Variants in RESF1 observed in about 807,000 individuals in gnomAD.
The protein encoded by RESF1 is retroelement silencing factor 1, also known as gonad expressed transcript.
In RESF1, 65 loss-of-function variants were observed where a neutral mutation model predicts 134.7. That is an observed-to-expected ratio of 0.48 (90% CI 0.40 to 0.59). The LOEUF is 0.59. RESF1 is among the 20% of genes least tolerant of loss of function. The pLI, the probability that RESF1 is intolerant of heterozygous loss-of-function variation, is 0.00. For missense variants in RESF1, 2,274 were observed against 2,002.7 expected, an observed-to-expected ratio of 1.14 and a Z score of -2.59; for synonymous variants, 762 against 702.2, an observed-to-expected ratio of 1.09 and a Z score of -1.35.
rs1320194115 is a variant in RESF1, at chr12:31,970,345, C to T, written c.-90C>T. The T allele has an allele frequency of 1.3e-5, 2 of 152,198 alleles. No individual in the cohort carries two copies. Among genetic ancestry groups the T allele is most frequent in the East Asian group, 1.9e-4 (1 of 5,194 alleles). The allele number at this position is 152,198 out of a possible 1,614,324, so 9.4% of individuals were successfully genotyped here. A position where few individuals can be genotyped will look rare whatever the true frequency, so the allele number is the denominator to read the frequency against. ...TACTAATGGACAGTTAGTCACCCAC[C>T]TACATGTTGAGGTACTCTGGACCTT... is the stretch of plus-strand genomic sequence containing the variant. On this transcript the variant is annotated 5_prime_UTR_variant, in exon 3 of 6. Coordinates refer to ENST00000312561, the MANE Select transcript of RESF1 (RefSeq NM_018169.4).
chr12:31,974,714 TCTC>T (rs1277863603), intron 3 of RESF1, among the ~76,000 whole-genome samples: 2 of 152,090 alleles, frequency 1.3e-5, no homozygotes, highest in East Asian at 3.9e-4. Flanking sequence ...CATGAGACTC[TCTC>T]CTCCAAGTTG....
At chr12:31,974,317 GC>G (rs1452936800) in intron 3 of RESF1, among the ~76,000 whole-genome samples, 1 of 151,970 alleles carries the variant, frequency 6.6e-6, no homozygotes, top group East Asian at 1.9e-4. Context: ...AGTTTTAGGT[GC>G]CCCGTGTCTG....
At chr12:31,977,508 G>T (rs149138736) in intron 3 of RESF1, among the ~76,000 whole-genome samples, 1 of 152,046 alleles carries the variant, frequency 6.6e-6, no homozygotes, top group Non-Finnish European at 1.5e-5. Context: ...ACTTTAAAAC[G>T]ATAATCTACC....
At position 31,985,467 on chromosome 12, in the gene RESF1, C is replaced by T. The variant is rs1939947661; in HGVS notation, c.4512C>T (p.Thr1504=). 1 of 1,608,228 alleles carries T rather than the reference C, an allele frequency of 6.2e-7. No individual in the cohort carries two copies. Among genetic ancestry groups the T allele is most frequent in the African/African-American group, 1.3e-5 (1 of 74,428 alleles). The change falls in exon 4 of 6, where the codon ACC becomes ACT. Residue 1504 remains threonine (T), a synonymous_variant. Coordinates refer to ENST00000312561, the MANE Select transcript of RESF1 (RefSeq NM_018169.4). ...AGAAACACAGCAGCGGCGTGCAGACCTCTAAAGAATCATTAAATGGCTTGA... is the reference window on the plus strand; with the variant it reads ...AGAAACACAGCAGCGGCGTGCAGACTTCTAAAGAATCATTAAATGGCTTGA... The part of the protein sequence containing the change: ...SNEKHSSGVQ[T]SKESLNGLTS...
At chr12:31,960,203 GT>G (rs1165502906) in intron 1 of RESF1, among the ~76,000 whole-genome samples, 1 of 152,116 alleles carries the variant, frequency 6.6e-6, no homozygotes, top group African/African-American at 2.4e-5. Flanking sequence ...CGTCCTTAGG[GT>G]CCTGAGTTCA....
In RESF1 at chr12:31,978,864, C is replaced by T. The variant is rs183548633; in HGVS notation, c.-78-2014C>T. On this transcript the variant is annotated intron_variant, in intron 3 of 5. Transcript: ENST00000312561. ...GATTACAGGTGTGAGGCACTGTGCC[C>T]GGCAGTATTTGATTTTGTCAGAAAT... Among the ~76,000 whole-genome samples the T allele has an allele frequency of 1.4e-3, 215 of 151,180 alleles. 1 individual carries two copies. Among genetic ancestry groups the T allele is most frequent in the East Asian group, 8.4e-3 (43 of 5,108 alleles).
chr12:31,971,354 C>G (rs1375087663), intron 3 of RESF1, among the ~76,000 whole-genome samples: 1 of 152,152 alleles, frequency 6.6e-6, no homozygotes, highest in African/African-American at 2.4e-5. Context: ...GTTGGTCAGG[C>G]TGGTATTGAA....
Position 31,983,013 on chromosome 12 carries a change from T to C in RESF1, c.2058T>C (p.Asp686=), listed in dbSNP as rs1939846941. 1 of 1,614,116 alleles carries C rather than the reference T, an allele frequency of 6.2e-7. No homozygotes were observed. Among genetic ancestry groups the C allele is most frequent in the East Asian group, 2.2e-5 (1 of 44,874 alleles). Reference sequence around the variant, plus strand: ...CCCTGTGGAAAAAGCAACCTTCAGATACTGCAAAAGAAAAGGAGTGTGATA... The same window carrying C: ...CCCTGTGGAAAAAGCAACCTTCAGACACTGCAAAAGAAAAGGAGTGTGATA... The part of the protein sequence containing the change: ...CLSLWKKQPS[D]TAKEKECDKL... Residue 686 remains aspartate (D), a synonymous_variant, in exon 4 of 6, where the codon GAT becomes GAC. Transcript: ENST00000312561.
At chr12:31,970,456 A>C (rs1176331257) in intron 3 of RESF1, 100 bp downstream of exon 3, 1 of 152,150 alleles carries the variant, frequency 6.6e-6, no homozygotes, top group Non-Finnish European at 1.5e-5. Context: ...TGTTCTATTC[A>C]TTGTTGAAAG....
At chr12:31,988,692 T>A (rs968356878) in intron 5 of RESF1, among the ~76,000 whole-genome samples, 1 of 63,258 alleles carries the variant, frequency 1.6e-5, no homozygotes, top group African/African-American at 5.3e-5. Flanking sequence ...GAGCTTTGAG[T>A]ATTTGATTTT....
At position 31,981,818 on chromosome 12, in the gene RESF1, G is replaced by A. The variant is rs1349883414; in HGVS notation, c.863G>A (p.Ser288Asn). The part of the protein sequence containing the change: ...PPPPYNCRYG[S>N]QPLQSTQHIT... ...CCTCCTTACAACTGTAGATATGGAA[G>A]CCAGCCTTTGCAAAGTACTCAGCAT... is the stretch of plus-strand genomic sequence containing the variant. Residue 288 changes from serine to asparagine, a missense_variant, in exon 4 of 6, where the codon AGC becomes AAC. Ser to Asn is a conservative substitution (Grantham distance 46, BLOSUM62 1). Coordinates refer to ENST00000312561, the MANE Select transcript of RESF1 (RefSeq NM_018169.4). 1.2e-6 allele frequency: 2 copies of A among 1,614,006 alleles called. No homozygotes were observed. Among genetic ancestry groups the A allele is most frequent in the East Asian group, 2.2e-5 (1 of 44,882 alleles).
chr12:31,982,084 A>G lies in RESF1; in HGVS notation c.1129A>G (p.Asn377Asp), dbSNP rs776043376. The change falls in exon 4 of 6, where the codon AAT (asparagine) becomes GAT (aspartate). Residue 377 changes from asparagine (N) to aspartate (D), a missense_variant. Transcript: ENST00000312561. ...TNEEKIMDSC[N>D]PTSNQVLDTS... Reference sequence around the variant, plus strand: ...TGAAGAGAAAATAATGGATTCTTGCAATCCAACTTCAAATCAAGTACTGGA... The same window carrying G: ...TGAAGAGAAAATAATGGATTCTTGCGATCCAACTTCAAATCAAGTACTGGA... The G allele has an allele frequency of 1.2e-6, 2 of 1,614,210 alleles. No homozygotes were observed. The highest frequency in any genetic ancestry group is 1.3e-5 in the African/African-American group (1 of 75,070).
chr12:31,984,592 A>G lies in RESF1; in HGVS notation c.3637A>G (p.Asn1213Asp). The G allele has an allele frequency of 6.3e-7, 1 of 1,579,324 alleles. No individual in the cohort carries two copies. The highest frequency in any genetic ancestry group is 1.2e-5 in the South Asian group (1 of 84,980). ...AGAGCAGTGTTCTCCTTTGGATACC[A>G]ACAGTTGTAAACAAGGAGAGAGAAC... is the stretch of plus-strand genomic sequence containing the variant. Reference protein sequence around the residue: ...QKEQCSPLDTNSCKQGERTSD... With the variant: ...QKEQCSPLDTDSCKQGERTSD... Residue 1213 changes from asparagine to aspartate, a missense_variant, in exon 4 of 6, where the codon AAC (asparagine) becomes GAC (aspartate). Physicochemically the swap from Asn to Asp is conservative, Grantham distance 23 (BLOSUM62 1). Transcript: ENST00000312561.
rs775701452 is a variant in RESF1, at chr12:31,985,461, G to T, written c.4506G>T (p.Val1502=). Residue 1502 remains valine, a synonymous_variant, in exon 4 of 6, where the codon GTG becomes GTT. Coordinates refer to ENST00000312561, the MANE Select transcript of RESF1 (RefSeq NM_018169.4). ...CAAATGAGAAACACAGCAGCGGCGT[G>T]CAGACCTCTAAAGAATCATTAAATG... is the stretch of plus-strand genomic sequence containing the variant. ...GKSNEKHSSG[V]QTSKESLNGL... is the part of the protein sequence containing the mutation. The T allele has an allele frequency of 6.2e-7, 1 of 1,608,818 alleles. No homozygotes were observed. The highest frequency in any genetic ancestry group is 1.1e-5 in the South Asian group (1 of 89,806).
chr12:31,975,704 T>G (rs893597477), intron 3 of RESF1, among the ~76,000 whole-genome samples: 3 of 152,186 alleles, frequency 2.0e-5, no homozygotes, highest in African/African-American at 7.2e-5. Context: ...TGGTTTTGTC[T>G]GTGTTTCAAT....
Position 31,984,326 on chromosome 12 carries a change from A to T in RESF1, c.3371A>T (p.Gln1124Leu). 1 of 1,613,842 alleles carries T rather than the reference A, an allele frequency of 6.2e-7. No individual in the cohort carries two copies. Residue 1124 changes from glutamine (Q) to leucine (L), a missense_variant, in exon 4 of 6, where the codon CAA (glutamine) becomes CTA (leucine). Gln to Leu is a moderately radical substitution (Grantham distance 113). Coordinates refer to ENST00000312561, the MANE Select transcript of RESF1 (RefSeq NM_018169.4). ...GAAATATTTCCTGAACAGGATGATCAACCCTATGTAGTAGACAAGTTGGCA... is the reference window on the plus strand; with the variant it reads ...GAAATATTTCCTGAACAGGATGATCTACCCTATGTAGTAGACAAGTTGGCA... ...MKEIFPEQDD[Q>L]PYVVDKLAEP...
chr12:31,980,874 A>T lies in RESF1; in HGVS notation c.-78-4A>T. On this transcript the variant is annotated splice_region_variant and splice_polypyrimidine_tract_variant and intron_variant, in intron 3 of 5. Coordinates refer to ENST00000312561, the MANE Select transcript of RESF1 (RefSeq NM_018169.4). ...TTTTAATAAAATATCTTTATTTCTT[A>T]CAGATTCCTGACATTCAGACAACTG... is the stretch of plus-strand genomic sequence containing the variant. The T allele has an allele frequency of 9.7e-7, 1 of 1,026,826 alleles. No individual in the cohort carries two copies. The highest frequency in any genetic ancestry group is 1.4e-6 in the Non-Finnish European group (1 of 701,018). 63.6% of individuals were successfully genotyped at this position (1,026,826 alleles called of 1,614,324 possible). A position where few individuals can be genotyped will look rare whatever the true frequency, so the allele number is the denominator to read the frequency against.
intron 2 of RESF1, among the ~76,000 whole-genome samples, chr12:31,963,959 C>T (rs1383700837): frequency 6.6e-6 from 1 of 152,190 alleles, no homozygotes; most frequent in African/African-American, 2.4e-5. Flanking sequence ...CACGTTTTCA[C>T]TCTTTGACTA....
At chr12:31,987,729 ATT>A (rs1373918402) in intron 5 of RESF1, among the ~76,000 whole-genome samples, 4 of 151,180 alleles carry the variant, frequency 2.6e-5, no homozygotes, top group African/African-American at 9.7e-5. Flanking sequence ...CTATTTATTT[ATT>A]TATTTATTTA....
Sources: gnomAD v4.1 joint callset for allele counts (sites outside exome capture counted in the v4.1 genomes callset) on GRCh38, gnomAD v4.1.1 for gene constraint, MANE v1.5 for transcripts, NCBI Gene and HGNC (gene_info 2026-07-23, HGNC 2026-07-21) for gene names.